Variants in GFM1 observed in about 807,000 individuals in gnomAD.
The protein encoded by GFM1 is elongation factor G, mitochondrial.
Under a neutral mutation model 96.2 loss-of-function variants are expected in GFM1, and 62 were observed. The ratio of observed to expected loss-of-function variants is 0.64; its 90% CI spans 0.53 to 0.80. The LOEUF (loss-of-function observed/expected upper bound fraction) is 0.80. GFM1 is among the 30% of genes least tolerant of loss of function. The pLI, the probability that GFM1 is intolerant of heterozygous loss-of-function variation, is 0.00. For synonymous variants in GFM1, 282 were observed against 312.9 expected, an observed-to-expected ratio of 0.90 and a Z score of 1.04; for missense variants, 852 against 916.6, an observed-to-expected ratio of 0.93 and a Z score of 0.91.
At chr3:158,649,989 G>T in intron 5 of GFM1, 3 of 1,534,214 alleles carry the variant, frequency 2.0e-6, no homozygotes, top group Non-Finnish European at 1.7e-6. Context: ...TCTGTAGCCT[G>T]GTCGTTTCTC....
At chr3:158,688,628 A>G (rs1437561689) in intron 15 of GFM1, among the ~76,000 whole-genome samples, 1 of 152,182 alleles carries the variant, frequency 6.6e-6, no homozygotes, top group African/African-American at 2.4e-5. Flanking sequence ...TTTAGAGCCA[A>G]GGAAGCTCTC....
rs938672054 is a variant in GFM1, at chr3:158,693,997, G to T, written c.*2530G>T. ...TTCTTTTGTGTGATATTAGAGTTTG[G>T]TTTTTTTGTTTAACAACTGTTTTTT... On this transcript the variant is annotated 3_prime_UTR_variant, in exon 18 of 18. Coordinates refer to ENST00000486715, the MANE Select transcript of GFM1 (RefSeq NM_024996.7). Among the ~76,000 whole-genome samples, 6 of 151,590 alleles carry T rather than the reference G, an allele frequency of 4.0e-5. No homozygotes were observed. Among genetic ancestry groups the T allele is most frequent in the South Asian group, 4.1e-4 (2 of 4,824 alleles).
intron 4 of GFM1, among the ~76,000 whole-genome samples, chr3:158,648,785 G>A (rs1180518343): frequency 2.0e-5 from 3 of 151,346 alleles, no homozygotes; most frequent in African/African-American, 7.3e-5. Context: ...TTGATCCAGT[G>A]TATCTGGGGA....
intron 3 of GFM1, 136 bp downstream of exon 3, chr3:158,646,433 A>G: frequency 2.1e-6 from 2 of 959,312 alleles, no homozygotes; most frequent in East Asian, 4.8e-5. Context: ...AAGAAGACTA[A>G]CTTAGGACCT....
At chr3:158,686,733 T>G (rs1725892029) in intron 15 of GFM1, among the ~76,000 whole-genome samples, 1 of 140,006 alleles carries the variant, frequency 7.1e-6, no homozygotes, top group East Asian at 2.0e-4. Flanking sequence ...TTTTTTTTTT[T>G]TTTTTTTTTT....
chr3:158,686,084 A>T (rs1029596468), intron 15 of GFM1, among the ~76,000 whole-genome samples: 2 of 151,302 alleles, frequency 1.3e-5, no homozygotes, highest in Non-Finnish European at 2.9e-5. Context: ...GTAAATACAG[A>T]TCTATGTGGC....
intron 13 of GFM1, among the ~76,000 whole-genome samples, chr3:158,679,319 G>C (rs964111185): frequency 6.6e-6 from 1 of 152,082 alleles, no homozygotes; most frequent in Non-Finnish European, 1.5e-5. Flanking sequence ...GCTTTATTGC[G>C]ATATTAGCTT....
chr3:158,668,962 C>T (rs2108060793), intron 13 of GFM1: 2 of 1,514,670 alleles, frequency 1.3e-6, no homozygotes, highest in Non-Finnish European at 1.8e-6. Context: ...AAATATTAAC[C>T]CCATTAATAG....
chr3:158,652,429 T>C (rs563041850), intron 6 of GFM1, among the ~76,000 whole-genome samples, 183 bp downstream of exon 6: 1 of 152,342 alleles, frequency 6.6e-6, no homozygotes, highest in East Asian at 1.9e-4. Context: ...GTGAGTTATG[T>C]AATAACTTCA....
chr3:158,652,236 C>T lies in GFM1; in HGVS notation c.830C>T (p.Ser277Phe), dbSNP rs767528432. 5.6e-6 allele frequency: 9 copies of T among 1,614,054 alleles called. No homozygotes were observed. The South Asian group carries it at 9.9e-5, about 18-fold the overall frequency. Residue 277 changes from serine (S) to phenylalanine (F), a missense_variant, in exon 6 of 18, where the codon TCT becomes TTT. By Grantham distance (155) the Ser-to-Phe change is radical. Transcript: ENST00000486715. ...MFLEEKIPSI[S>F]DLKLAIRRAT... The stretch of plus-strand genomic sequence containing the variant: ...CTGGAAGAAAAAATCCCCTCGATTT[C>T]TGATTTAAAGGCAAGTGCTTTCAAA...
At chr3:158,661,492 A>G (rs143206260) in intron 10 of GFM1, among the ~76,000 whole-genome samples, 2 of 152,330 alleles carry the variant, frequency 1.3e-5, no homozygotes, top group Non-Finnish European at 2.9e-5. Context: ...AATAGGCAAT[A>G]TGCAACTACA....
intron 15 of GFM1, among the ~76,000 whole-genome samples, chr3:158,687,072 G>C (rs1358199652): frequency 6.6e-6 from 1 of 151,798 alleles, no homozygotes; most frequent in Non-Finnish European, 1.5e-5. Flanking sequence ...TTATGATCTT[G>C]ACTTACTGCA....
At chr3:158,670,922 G>C in intron 13 of GFM1, 2 of 1,388,114 alleles carry the variant, frequency 1.4e-6, no homozygotes, top group South Asian at 2.8e-5. Flanking sequence ...GATAGAGTGA[G>C]ACCCTGTCTC....
At chr3:158,685,002 C>CTTG (rs74908968) in intron 15 of GFM1, 116,825 of 209,034 alleles carry the variant, frequency 0.56, 34,007 homozygotes, top group African/African-American at 0.72. Flanking sequence ...TAACTACAGT[C>CTTG]TTATTTCTAG....
chr3:158,675,310 AC>A (rs778708933), intron 13 of GFM1, among the ~76,000 whole-genome samples: 1 of 114,042 alleles, frequency 8.8e-6, no homozygotes, highest in Non-Finnish European at 1.7e-5. Context: ...AAAAAAAAAA[AC>A]AAGTTTTCAA....
intron 1 of GFM1, 189 bp downstream of exon 1, chr3:158,644,904 C>T (rs1721627582): frequency 9.7e-6 from 6 of 617,966 alleles, no homozygotes; most frequent in East Asian, 5.7e-5. Context: ...GTTTCGCTCT[C>T]TGGTATCCCT....
chr3:158,682,383 A>G (rs1725473763), intron 14 of GFM1: 1 of 507,500 alleles, frequency 2.0e-6, no homozygotes, highest in Non-Finnish European at 3.5e-6. Flanking sequence ...TATGTTTCTG[A>G]ATCATAGTTA....
chr3:158,659,169 T>C (rs1486839447), intron 9 of GFM1, 110 bp downstream of exon 9: 2 of 1,241,972 alleles, frequency 1.6e-6, no homozygotes, highest in African/African-American at 1.5e-5. Flanking sequence ...AATATATGTT[T>C]CTAGTTTCTT....
intron 13 of GFM1, chr3:158,672,332 A>G (rs1158950270): frequency 6.2e-7 from 1 of 1,612,474 alleles, no homozygotes; most frequent in Non-Finnish European, 8.5e-7. Flanking sequence ...GCTGTCCACC[A>G]CCCCCTGCTA....
Sources: gnomAD v4.1 joint callset for allele counts (sites outside exome capture counted in the v4.1 genomes callset) on GRCh38, gnomAD v4.1.1 for gene constraint, MANE v1.5 for transcripts, NCBI Gene and HGNC (gene_info 2026-07-23, HGNC 2026-07-21) for gene names.